DOCK7: variants seen among roughly 807,000 people sequenced by gnomAD.
DOCK7 encodes the protein dedicator of cytokinesis protein 7.
DOCK7 carries 138 observed loss-of-function variants against 271.0 expected under a neutral mutation model. The observed-to-expected ratio is 0.51, with a 90% CI of 0.44 to 0.59. The LOEUF (loss-of-function observed/expected upper bound fraction) is 0.59. Ranked by LOEUF, DOCK7 falls within the 20% of genes least tolerant of loss-of-function variation. The probability of loss-of-function intolerance (pLI) is 0.00; values close to 1 mark genes in which losing one functional copy is unlikely to be tolerated. For synonymous variants in DOCK7, 823 were observed against 876.1 expected (o/e 0.94, Z 1.07); for missense variants, 2,066 against 2,592.4 (o/e 0.80, Z 4.41).
In DOCK7 at chr1:62,477,780, A is replaced by G; in HGVS notation, c.5554T>C (p.Phe1852Leu). Residue 1852 changes from phenylalanine to leucine, a missense_variant, in exon 44 of 50, where the codon TTC becomes CTC. Transcript: ENST00000635253. ...YFRVGFYGTK[F>L]GDLDEQEFVY... ...AATTCTTGTTCATCCAAATCCCCGA[A>G]CTTGGTTCCATAAAAACCAACACGA... 6.2e-7 allele frequency: 1 copy of G among 1,611,636 alleles called. No homozygotes were observed. The highest frequency in any genetic ancestry group is 8.5e-7 in the Non-Finnish European group (1 of 1,179,340).
chr1:62,676,058 T>C (rs913331182), intron 1 of DOCK7, among the ~76,000 whole-genome samples: 17 of 152,166 alleles, frequency 1.1e-4, no homozygotes, highest in African/African-American at 4.1e-4. Flanking sequence ...CCCACAAGAA[T>C]TGAAAACAAG....
intron 1 of DOCK7, among the ~76,000 whole-genome samples, chr1:62,687,218 T>C (rs1661889079): frequency 6.6e-6 from 1 of 152,240 alleles, no homozygotes; most frequent in African/African-American, 2.4e-5. Flanking sequence ...ATGATTTTAT[T>C]AAAACAAAAA....
chr1:62,496,258 C>A, intron 38 of DOCK7, 81 bp downstream of exon 38: 1 of 1,557,098 alleles, frequency 6.4e-7, no homozygotes, highest in African/African-American at 1.4e-5. Flanking sequence ...CAGCAAAAAT[C>A]AACTTTTGAT....
At chr1:62,514,885 A>G (rs756683618) in intron 31 of DOCK7, among the ~76,000 whole-genome samples, 5 of 152,078 alleles carry the variant, frequency 3.3e-5, no homozygotes, top group Admixed American at 1.3e-4. Context: ...ACTCTTCACT[A>G]TTATACAATG....
chr1:62,664,760 CT>C (rs1484366212), intron 1 of DOCK7, among the ~76,000 whole-genome samples: 1 of 149,276 alleles, frequency 6.7e-6, no homozygotes, highest in Non-Finnish European at 1.5e-5. Flanking sequence ...AAACTGCCCC[CT>C]CCCAAAAAAG....
chr1:62,560,303 C>T (rs1389231419), intron 19 of DOCK7, among the ~76,000 whole-genome samples: 3 of 152,146 alleles, frequency 2.0e-5, no homozygotes, highest in Non-Finnish European at 4.4e-5. Context: ...CTTGCTTCTT[C>T]TCCCTGTACA....
intron 48 of DOCK7, among the ~76,000 whole-genome samples, chr1:62,467,594 T>C (rs1196708317): frequency 6.6e-6 from 1 of 152,164 alleles, no homozygotes; most frequent in African/African-American, 2.4e-5. Context: ...GAAACATTTT[T>C]AGAAAAATGA....
chr1:62,491,309 A>G (rs1378572972), intron 41 of DOCK7, among the ~76,000 whole-genome samples: 1 of 152,194 alleles, frequency 6.6e-6, no homozygotes, highest in Non-Finnish European at 1.5e-5. Flanking sequence ...ATATTACCTC[A>G]AGCTTCTCTC....
At chr1:62,624,048 C>T (rs1244128804) in intron 12 of DOCK7, among the ~76,000 whole-genome samples, 1 of 152,144 alleles carries the variant, frequency 6.6e-6, no homozygotes, top group Non-Finnish European at 1.5e-5. Context: ...TTAATCCACT[C>T]CAAAACATGT....
At chr1:62,580,054 C>T (rs1647068411) in intron 16 of DOCK7, among the ~76,000 whole-genome samples, 1 of 152,174 alleles carries the variant, frequency 6.6e-6, no homozygotes, top group Non-Finnish European at 1.5e-5. Flanking sequence ...CTTCCATATT[C>T]AGTGAGTATC....
At chr1:62,621,329 C>T (rs1388897197) in intron 12 of DOCK7, among the ~76,000 whole-genome samples, 1 of 152,178 alleles carries the variant, frequency 6.6e-6, no homozygotes, top group African/African-American at 2.4e-5. Flanking sequence ...CCGATTAACA[C>T]AAATGTTCAA....
At chr1:62,502,419 T>C (rs777719313) in intron 37 of DOCK7, among the ~76,000 whole-genome samples, 7 of 152,210 alleles carry the variant, frequency 4.6e-5, no homozygotes, top group Non-Finnish European at 1.0e-4. Flanking sequence ...TTTTTGTTTA[T>C]CTTCCATGAA....
At chr1:62,621,841 G>A (rs1010288212) in intron 12 of DOCK7, among the ~76,000 whole-genome samples, 1 of 152,150 alleles carries the variant, frequency 6.6e-6, no homozygotes, top group Admixed American at 6.5e-5. Flanking sequence ...GCCAACACAT[G>A]AAATTAATTT....
Position 62,578,884 on chromosome 1 carries a change from GAT to G in DOCK7, c.1952_1953del (p.Tyr651SerfsTer3). The G allele has an allele frequency of 1.2e-6, 2 of 1,606,086 alleles. No individual in the cohort carries two copies. The highest frequency in any genetic ancestry group is 1.7e-6 in the Non-Finnish European group (2 of 1,177,276). On this transcript the variant is annotated frameshift_variant, in exon 17 of 50. Coordinates refer to ENST00000635253, the MANE Select transcript of DOCK7 (RefSeq NM_001367561.1). LOFTEE classifies it high-confidence loss of function. The stretch of plus-strand genomic sequence containing the variant: ...TTTTGTTTTTGTTGACAACTAACAT[GAT>G]AAAAAGTAAAAAGCAAGTGATGATG... The part of the protein sequence containing the change: ...TDHHHLLFTF[Y>X]HVSCQQKQNT...
intron 7 of DOCK7, chr1:62,641,753 G>A (rs1656055142): frequency 3.3e-6 from 1 of 304,678 alleles, no homozygotes; most frequent in Non-Finnish European, 6.6e-6. Context: ...GGCTAAATTG[G>A]GTGTGTTTTC....
Position 62,552,890 on chromosome 1 carries a change from A to C in DOCK7, c.2608T>G (p.Leu870Val). ...GTGGCATAATGCACTGATCCTCCCAAACCCCCAGGACCTAGAGTTGTATAT... is the reference window on the plus strand; with the variant it reads ...GTGGCATAATGCACTGATCCTCCCACACCCCCAGGACCTAGAGTTGTATAT... The part of the protein sequence containing the change: ...PNSSSPGPGG[L>V]GGSVHYATMA... The change falls in exon 22 of 50, where the codon TTG becomes GTG. Residue 870 changes from leucine (L) to valine (V), a missense_variant. Coordinates refer to ENST00000635253, the MANE Select transcript of DOCK7 (RefSeq NM_001367561.1). The C allele has an allele frequency of 6.2e-7, 1 of 1,608,156 alleles. No homozygotes were observed. Among genetic ancestry groups the C allele is most frequent in the South Asian group, 1.1e-5 (1 of 89,802 alleles).
At position 62,678,350 on chromosome 1, in the gene DOCK7, G is replaced by C. The variant is rs145427216; in HGVS notation, c.38+9877C>G. Among the ~76,000 whole-genome samples the C allele has an allele frequency of 2.4e-4, 37 of 152,116 alleles. 1 individual carries two copies. The East Asian group carries it at 6.2e-3, about 25-fold the overall frequency. ...GGTTGTCTACACAGAAAATATAAAG[G>C]AATTCACAAGTACATTCAGAATAAA... On this transcript the variant is annotated intron_variant, in intron 1 of 49. Coordinates refer to ENST00000635253, the MANE Select transcript of DOCK7 (RefSeq NM_001367561.1).
chr1:62,590,325 G>A (rs1257833782), intron 14 of DOCK7, among the ~76,000 whole-genome samples: 6 of 152,182 alleles, frequency 3.9e-5, no homozygotes, highest in Non-Finnish European at 7.4e-5. Context: ...AGAAAGGTTT[G>A]ATCTTGATCA....
At chr1:62,515,137 A>G (rs1027100755) in intron 31 of DOCK7, among the ~76,000 whole-genome samples, 7 of 139,424 alleles carry the variant, frequency 5.0e-5, no homozygotes, top group African/African-American at 1.6e-4. Flanking sequence ...CATCTTACAG[A>G]AAAAAAAAAA....
Sources: gnomAD v4.1 joint callset for allele counts (sites outside exome capture counted in the v4.1 genomes callset) on GRCh38, gnomAD v4.1.1 for gene constraint, MANE v1.5 for transcripts, NCBI Gene and HGNC (gene_info 2026-07-23, HGNC 2026-07-21) for gene names.